The following KIRREL3 variants were observed in gnomAD, a reference collection of about 807,000 sequenced individuals.
The protein encoded by KIRREL3 is kirre like nephrin family adhesion molecule 3.
A neutral mutation model predicts 89.7 loss-of-function variants in KIRREL3; 36 were observed. That is an observed-to-expected ratio of 0.40 (90% CI 0.31 to 0.53). KIRREL3 has a LOEUF of 0.53. Ranked by LOEUF, KIRREL3 falls within the 20% of genes least tolerant of loss-of-function variation. KIRREL3 has a pLI of 0.49. For missense variants in KIRREL3, 864 were observed against 1,056.6 expected (o/e 0.82, Z 2.53); for synonymous variants, 445 against 441.4 (o/e 1.01, Z -0.10).
rs996413477 is a variant in KIRREL3, at chr11:126,965,628, T to C, written c.55+34827A>G. 1.3e-5 allele frequency among the ~76,000 whole-genome samples: 2 copies of C among 152,212 alleles called. No homozygotes were observed. Among genetic ancestry groups the C allele is most frequent in the Non-Finnish European group, 2.9e-5 (2 of 68,042 alleles). On this transcript the variant is annotated intron_variant, in intron 1 of 16. Transcript: ENST00000525144. The surrounding 1 kb of genome is among the most constrained non-coding windows in gnomAD (Gnocchi z 4.4). ...ACTGAGCTTTAAATATTATAAAATT[T>C]TGGTTCTTTGCTGATGGAGAGGTCA...
intron 2 of KIRREL3, among the ~76,000 whole-genome samples, chr11:126,547,652 C>T (rs1490794277): frequency 1.3e-5 from 2 of 152,172 alleles, no homozygotes; most frequent in Non-Finnish European, 2.9e-5. Context: ...CACAGTCAGC[C>T]CAGCCCATAT....
intron 1 of KIRREL3, among the ~76,000 whole-genome samples, chr11:126,717,366 G>A (rs1390091025): frequency 2.0e-5 from 3 of 152,216 alleles, no homozygotes; most frequent in Non-Finnish European, 4.4e-5. Flanking sequence ...TTTGACAGTG[G>A]TCACTGCTCT....
rs1380143848 is a variant in KIRREL3, at chr11:126,969,990, T to C, written c.55+30465A>G. ...TGTTAATGTGACTAGTGTATGACTCTATCTGAGTTAAGACAACGCAATACG... is the reference window on the plus strand; with the variant it reads ...TGTTAATGTGACTAGTGTATGACTCCATCTGAGTTAAGACAACGCAATACG... On this transcript the variant is annotated intron_variant, in intron 1 of 16. Transcript: ENST00000525144. This position sits in a 1 kb window ranked among gnomAD's most constrained non-coding sequence, Gnocchi z 4.9. Among the ~76,000 whole-genome samples, 1 of 152,156 alleles carries C rather than the reference T, an allele frequency of 6.6e-6. No homozygotes were observed. Among genetic ancestry groups the C allele is most frequent in the East Asian group, 1.9e-4 (1 of 5,178 alleles).
chr11:126,955,025 C>T lies in KIRREL3; in HGVS notation c.55+45430G>A, dbSNP rs1426940650. 6.6e-6 allele frequency among the ~76,000 whole-genome samples: 1 copy of T among 151,936 alleles called. No individual in the cohort carries two copies. Among genetic ancestry groups the T allele is most frequent in the African/African-American group, 2.4e-5 (1 of 41,334 alleles). ...GCTGAGGCTGAGAGGCTGGCTGAAG[C>T]AGGAAGAACTGACCCTCTCTCTACA... is the stretch of plus-strand genomic sequence containing the variant. On this transcript the variant is annotated intron_variant, in intron 1 of 16. Transcript: ENST00000525144. The surrounding 1 kb of genome is among the most constrained non-coding windows in gnomAD (Gnocchi z 4.6).
chr11:126,742,539 G>C lies in KIRREL3; in HGVS notation c.56-179627C>G, dbSNP rs1949016730. Among the ~76,000 whole-genome samples, 1 of 152,166 alleles carries C rather than the reference G, an allele frequency of 6.6e-6. No homozygotes were observed. Among genetic ancestry groups the C allele is most frequent in the African/African-American group, 2.4e-5 (1 of 41,434 alleles). On this transcript the variant is annotated intron_variant, in intron 1 of 16. Coordinates refer to ENST00000525144, the MANE Select transcript of KIRREL3 (RefSeq NM_032531.4). The surrounding 1 kb of genome is among the most constrained non-coding windows in gnomAD (Gnocchi z 5.3). ...TGGATCTCAGAACTGGAAAGAACAA[G>C]AGATTTTCCCATAAAGCTCCCCTCA...
chr11:126,446,285 C>CTCTTT (rs111774154), intron 9 of KIRREL3, among the ~76,000 whole-genome samples: 4 of 143,402 alleles, frequency 2.8e-5, no homozygotes, highest in African/African-American at 1.0e-4. Context: ...TTTTCTTTCT[C>CTCTTT]CTTTCTTTCT....
chr11:126,661,519 G>A (rs1257475671), intron 1 of KIRREL3, among the ~76,000 whole-genome samples: 3 of 152,240 alleles, frequency 2.0e-5, no homozygotes, highest in African/African-American at 7.2e-5. Context: ...TCGTTTCTAT[G>A]TGTTGCTAAT....
intron 1 of KIRREL3, among the ~76,000 whole-genome samples, chr11:126,631,629 C>G (rs1944029223): frequency 6.6e-6 from 1 of 152,190 alleles, no homozygotes; most frequent in Non-Finnish European, 1.5e-5. Flanking sequence ...TGATTTGCAT[C>G]TTTAGCAGGA....
chr11:126,497,809 C>G (rs530703198), intron 4 of KIRREL3, among the ~76,000 whole-genome samples: 1 of 152,158 alleles, frequency 6.6e-6, no homozygotes, highest in African/African-American at 2.4e-5. Flanking sequence ...GCCCCTATAC[C>G]GGTCCTGGGT....
intron 1 of KIRREL3, among the ~76,000 whole-genome samples, chr11:126,964,871 A>G (rs1395789486): frequency 1.3e-5 from 2 of 152,126 alleles, no homozygotes; most frequent in Non-Finnish European, 2.9e-5. Flanking sequence ...TATAGAGTAG[A>G]CTCAGTTCGA....
chr11:126,597,685 T>C (rs527425445), intron 1 of KIRREL3, among the ~76,000 whole-genome samples: 7 of 152,188 alleles, frequency 4.6e-5, no homozygotes, highest in Non-Finnish European at 1.0e-4. Context: ...GTGGAGCCTC[T>C]TGTTTGCTGT....
At chr11:126,660,438 C>A (rs73030573) in intron 1 of KIRREL3, among the ~76,000 whole-genome samples, 2 of 152,080 alleles carry the variant, frequency 1.3e-5, no homozygotes, top group East Asian at 1.9e-4. Flanking sequence ...GTTCCAAAGC[C>A]GGTAAAAATG....
intron 2 of KIRREL3, among the ~76,000 whole-genome samples, chr11:126,538,398 G>C (rs1938089502): frequency 6.6e-6 from 1 of 152,232 alleles, no homozygotes; most frequent in Non-Finnish European, 1.5e-5. Context: ...AGGAAGAAGG[G>C]AAGGAGAGAA....
Position 126,636,255 on chromosome 11 carries a change from C to A in KIRREL3, c.56-73343G>T, listed in dbSNP as rs1351484131. 7.9e-5 allele frequency among the ~76,000 whole-genome samples: 12 copies of A among 152,182 alleles called. 1 individual carries two copies. The highest frequency in any genetic ancestry group is 4.6e-4 in the Admixed American group (7 of 15,276). On this transcript the variant is annotated intron_variant, in intron 1 of 16. Transcript: ENST00000525144. This position sits in a 1 kb window ranked among gnomAD's most constrained non-coding sequence, Gnocchi z 4.4. ...GTGCTAAGCATTCAATAAATGTGGA[C>A]TATTATTGTTATTTCCTTTTTGAGC...
intron 1 of KIRREL3, among the ~76,000 whole-genome samples, chr11:126,847,009 T>C (rs926694114): frequency 5.3e-5 from 8 of 152,098 alleles, no homozygotes; most frequent in Non-Finnish European, 8.8e-5. Flanking sequence ...ATCTGCTCTT[T>C]AACAAAATTA....
intron 1 of KIRREL3, among the ~76,000 whole-genome samples, chr11:126,713,629 T>A (rs1047965941): frequency 6.6e-6 from 1 of 151,784 alleles, no homozygotes; most frequent in Non-Finnish European, 1.5e-5. Context: ...CTGACAGGAG[T>A]GTACATTCTG....
In KIRREL3 at chr11:126,797,192, T is replaced by C. The variant is rs1272802485; in HGVS notation, c.55+203263A>G. Among the ~76,000 whole-genome samples, 2 of 152,228 alleles carry C rather than the reference T, an allele frequency of 1.3e-5. No individual in the cohort carries two copies. Among genetic ancestry groups the C allele is most frequent in the Non-Finnish European group, 2.9e-5 (2 of 68,030 alleles). On this transcript the variant is annotated intron_variant, in intron 1 of 16. Transcript: ENST00000525144. This position sits in a 1 kb window ranked among gnomAD's most constrained non-coding sequence, Gnocchi z 4.9. The stretch of plus-strand genomic sequence containing the variant: ...GGGCTGTGTTACTGTGCAGGGAATA[T>C]GAGCCTAGGCTCTGAATATGGGACC...
chr11:126,836,574 A>G (rs531515773), intron 1 of KIRREL3, among the ~76,000 whole-genome samples: 7 of 152,346 alleles, frequency 4.6e-5, no homozygotes, highest in African/African-American at 1.7e-4. Context: ...CTTTTTCTTT[A>G]TCTTATTTAC....
rs1188067291 is a variant in KIRREL3 at position 126,676,370 on chromosome 11, C to T, written c.56-113458G>A. Among the ~76,000 whole-genome samples the T allele has an allele frequency of 6.6e-6, 1 of 152,160 alleles. No homozygotes were observed. Among genetic ancestry groups the T allele is most frequent in the Non-Finnish European group, 1.5e-5 (1 of 68,030 alleles). ...TGGAGTGAAGTCTGTCCCATCTGTC[C>T]TATCTCAGTTCAGGCTAGAATTCTC... On this transcript the variant is annotated intron_variant, in intron 1 of 16. Coordinates refer to ENST00000525144, the MANE Select transcript of KIRREL3 (RefSeq NM_032531.4). This position sits in a 1 kb window ranked among gnomAD's most constrained non-coding sequence, Gnocchi z 4.5.
Sources: allele counts gnomAD v4.1 joint callset (sites outside exome capture counted in the v4.1 genomes callset), GRCh38; gene constraint gnomAD v4.1.1; non-coding constraint Gnocchi (gnomAD v3.1); transcripts MANE v1.5; gene names NCBI Gene and HGNC (gene_info 2026-07-23, HGNC 2026-07-21).